The following DACH2 variants were observed in gnomAD, a reference collection of about 807,000 sequenced individuals.
The protein encoded by DACH2 is dachshund homolog 2.
In DACH2, 17 loss-of-function variants were observed where a neutral mutation model predicts 35.8. The observed-to-expected ratio is 0.48, with a 90% confidence interval of 0.33 to 0.71. The LOEUF (loss-of-function observed/expected upper bound fraction) is 0.71, where lower values mean the gene tolerates loss of function less well. Ranked by LOEUF, DACH2 falls within the 30% of genes least tolerant of loss-of-function variation. The pLI, the probability that DACH2 is intolerant of heterozygous loss-of-function variation, is 0.02. For synonymous variants in DACH2, 195 were observed against 177.3 expected, an observed-to-expected ratio of 1.10 and a Z score of -0.79; for missense variants, 469 against 472.7, an observed-to-expected ratio of 0.99 and a Z score of 0.07.
In DACH2 at chrX:86,739,758, A is replaced by G. The variant is rs148990360; in HGVS notation, c.1116A>G (p.Pro372=). 294 of 1,173,375 alleles carry G rather than the reference A, an allele frequency of 2.5e-4. No individual in the cohort carries two copies. Among genetic ancestry groups the G allele is most frequent in the Non-Finnish European group, 3.1e-4 (271 of 876,585 alleles). The change falls in exon 7 of 12, where the codon CCA becomes CCG. Residue 372 remains proline (P), a synonymous_variant. Transcript: ENST00000373125. ...AGTSVIKERI[P]ESPSPAPSLE... ...TCCTTTTGTGTCAGGAGCGGATCCCAGAGAGTCCTTCTCCTGCTCCTTCTC... is the reference window on the plus strand; with the variant it reads ...TCCTTTTGTGTCAGGAGCGGATCCCGGAGAGTCCTTCTCCTGCTCCTTCTC...
chrX:86,288,997 T>G (rs1254408088), intron 1 of DACH2, among the ~76,000 whole-genome samples: 3 of 110,746 alleles, frequency 2.7e-5, no homozygotes, highest in Non-Finnish European at 5.7e-5. Context: ...GTGTTGAGTC[T>G]CACCTGAAGC....
chrX:86,710,523 C>A (rs907405959), intron 5 of DACH2, among the ~76,000 whole-genome samples: 1 of 112,081 alleles, frequency 8.9e-6, no homozygotes, highest in African/African-American at 3.2e-5. Context: ...TCTGTAACTT[C>A]TGCTAATGTG....
chrX:86,313,160 G>A (rs1010528797), intron 1 of DACH2, among the ~76,000 whole-genome samples: 1 of 110,665 alleles, frequency 9.0e-6, no homozygotes, highest in East Asian at 2.8e-4. Context: ...CCATAAACTT[G>A]TACTATTATA....
At chrX:86,506,402 TATTA>T (rs1290927270) in intron 2 of DACH2, among the ~76,000 whole-genome samples, 1 of 111,544 alleles carries the variant, frequency 9.0e-6, no homozygotes, top group African/African-American at 3.3e-5. Flanking sequence ...TTTATTTATT[TATTA>T]TTTTTGAGAC....
intron 6 of DACH2, among the ~76,000 whole-genome samples, chrX:86,723,911 C>T (rs1426423442): frequency 9.0e-6 from 1 of 110,532 alleles, no homozygotes. Flanking sequence ...GATTTAAAGT[C>T]TGTTGTATCT....
In DACH2 at chrX:86,699,582, C is replaced by T. The variant is rs2041114915; in HGVS notation, c.931+4403C>T. 1.8e-5 allele frequency among the ~76,000 whole-genome samples: 2 copies of T among 111,423 alleles called. 1 individual carries two copies. The highest frequency in any genetic ancestry group is 6.5e-5 in the African/African-American group (2 of 30,644). On this transcript the variant is annotated intron_variant, in intron 5 of 11. Coordinates refer to ENST00000373125, the MANE Select transcript of DACH2 (RefSeq NM_053281.3). The stretch of plus-strand genomic sequence containing the variant: ...TGATTCAATTATCTCCCACTGGGTC[C>T]CTCCCAAAACATATGGGAATTATGG...
chrX:86,672,637 G>A (rs1395334047), intron 4 of DACH2, among the ~76,000 whole-genome samples: 2 of 112,254 alleles, frequency 1.8e-5, no homozygotes, highest in Non-Finnish European at 1.9e-5. Flanking sequence ...TGTGCAGAGG[G>A]CAAGAGTTGA....
intron 1 of DACH2, among the ~76,000 whole-genome samples, chrX:86,225,657 G>T (rs1013570110): frequency 9.0e-6 from 1 of 110,844 alleles, no homozygotes; most frequent in East Asian, 2.8e-4. Flanking sequence ...GGAGTGTTGG[G>T]ACCCATCTTG....
intron 1 of DACH2, among the ~76,000 whole-genome samples, chrX:86,359,115 T>TGTGTGTGTG (rs1569362535): frequency 2.3e-5 from 2 of 88,596 alleles, no homozygotes; most frequent in African/African-American, 1.0e-4. Flanking sequence ...GTGTGTGTGT[T>TGTGTGTGTG]TGTGTGTGCA....
At chrX:86,193,166 T>G (rs542850723) in intron 1 of DACH2, among the ~76,000 whole-genome samples, 1 of 111,914 alleles carries the variant, frequency 8.9e-6, no homozygotes, top group Non-Finnish European at 1.9e-5. Flanking sequence ...TAGAGAAAGA[T>G]AATGTTCTAG....
intron 1 of DACH2, among the ~76,000 whole-genome samples, chrX:86,342,534 C>T (rs911073579): frequency 2.8e-5 from 3 of 107,473 alleles, no homozygotes; most frequent in Non-Finnish European, 5.7e-5. Context: ...GGGCCAGGTA[C>T]GGTGGCTCAC....
At chrX:86,451,206 C>A (rs190846390) in intron 2 of DACH2, among the ~76,000 whole-genome samples, 34 of 111,822 alleles carry the variant, frequency 3.0e-4, no homozygotes, top group Non-Finnish European at 5.5e-4. Flanking sequence ...ACATTTGAGT[C>A]TTTAATCCAT....
chrX:86,203,841 GGGA>G (rs753186619), intron 1 of DACH2, among the ~76,000 whole-genome samples: 9 of 111,116 alleles, frequency 8.1e-5, no homozygotes, highest in Non-Finnish European at 1.5e-4. Context: ...AATAGAGTTT[GGGA>G]GGAGAATTAT....
In DACH2 at chrX:86,759,247, A is replaced by G. The variant is rs781302887; in HGVS notation, c.1240+19365A>G. On this transcript the variant is annotated intron_variant, in intron 7 of 11. Coordinates refer to ENST00000373125, the MANE Select transcript of DACH2 (RefSeq NM_053281.3). The stretch of plus-strand genomic sequence containing the variant: ...CCTTACTCTTATTGTATTGAAGACT[A>G]TCTCTGTCTTTAGATATAATATTTG... Among the ~76,000 whole-genome samples, 107 of 111,878 alleles carry G rather than the reference A, an allele frequency of 9.6e-4. 1 individual carries two copies. Among genetic ancestry groups the G allele is most frequent in the African/African-American group, 3.5e-3 (107 of 30,848 alleles).
chrX:86,239,049 C>G (rs996065893), intron 1 of DACH2, among the ~76,000 whole-genome samples: 1 of 111,179 alleles, frequency 9.0e-6, no homozygotes, highest in African/African-American at 3.3e-5. Context: ...GCCAGTGAAC[C>G]ACTTCTCTGC....
At chrX:86,540,164 C>T (rs1057156258) in intron 3 of DACH2, among the ~76,000 whole-genome samples, 3 of 111,773 alleles carry the variant, frequency 2.7e-5, no homozygotes, top group Non-Finnish European at 5.7e-5. Flanking sequence ...ATAGAGAATG[C>T]GTTGGATTCA....
intron 1 of DACH2, among the ~76,000 whole-genome samples, chrX:86,200,141 C>T (rs2032110247): frequency 9.0e-6 from 1 of 110,554 alleles, no homozygotes; most frequent in Non-Finnish European, 1.9e-5. Context: ...ATTATGGCTG[C>T]ACACCTACAA....
intron 6 of DACH2, among the ~76,000 whole-genome samples, chrX:86,718,664 A>G (rs2148463177): frequency 8.9e-6 from 1 of 111,989 alleles, no homozygotes; most frequent in Admixed American, 9.5e-5. Context: ...ATATGCTGAA[A>G]GATAAGGGTC....
At chrX:86,422,535 T>G (rs1319794220) in intron 2 of DACH2, among the ~76,000 whole-genome samples, 1 of 110,278 alleles carries the variant, frequency 9.1e-6, no homozygotes, top group African/African-American at 3.3e-5. Context: ...TTAAAAAATT[T>G]TTTTGTGGGT....
Sources: gnomAD v4.1 joint callset for allele counts (sites outside exome capture counted in the v4.1 genomes callset) on GRCh38, gnomAD v4.1.1 for gene constraint, MANE v1.5 for transcripts, NCBI Gene and HGNC (gene_info 2026-07-23, HGNC 2026-07-21) for gene names.